Variants in ARNT2 observed in about 807,000 individuals in gnomAD.
The protein encoded by ARNT2 is aryl hydrocarbon receptor nuclear translocator 2.
Under a neutral mutation model 91.7 loss-of-function variants are expected in ARNT2, and 36 were observed. The ratio of observed to expected loss-of-function variants is 0.39; its 90% CI spans 0.30 to 0.52. The LOEUF is 0.52. Ranked by LOEUF, ARNT2 falls within the 20% of genes least tolerant of loss-of-function variation. ARNT2 has a pLI of 0.72. For missense variants in ARNT2, 775 were observed against 939.3 expected, an observed-to-expected ratio of 0.83 and a Z score of 2.29; for synonymous variants, 365 against 347.1, an observed-to-expected ratio of 1.05 and a Z score of -0.57.
At chr15:80,484,106 C>T (rs1012866106) in intron 5 of ARNT2, among the ~76,000 whole-genome samples, 1 of 151,276 alleles carries the variant, frequency 6.6e-6, no homozygotes, top group Non-Finnish European at 1.5e-5. Context: ...AGTCTTTGGA[C>T]TAATGCCAGA....
At chr15:80,486,420 A>C (rs971264261) in intron 5 of ARNT2, among the ~76,000 whole-genome samples, 11 of 152,186 alleles carry the variant, frequency 7.2e-5, no homozygotes, top group Admixed American at 7.2e-4. Context: ...TGAAACCAAC[A>C]AGGGGAGTTG....
intron 17 of ARNT2, among the ~76,000 whole-genome samples, chr15:80,583,855 T>A (rs1167552351): frequency 2.0e-5 from 3 of 152,226 alleles, no homozygotes; most frequent in Non-Finnish European, 4.4e-5. Flanking sequence ...ACCTCAGAAT[T>A]AAGCAGGAAT....
chr15:80,442,677 C>A (rs1192696606), intron 1 of ARNT2, among the ~76,000 whole-genome samples: 2 of 152,196 alleles, frequency 1.3e-5, no homozygotes, highest in Admixed American at 6.5e-5. Context: ...GAATGTGTGG[C>A]CCCCTGATTC....
chr15:80,504,848 T>TGA (rs1301117624), intron 5 of ARNT2, among the ~76,000 whole-genome samples: 1 of 150,170 alleles, frequency 6.7e-6, no homozygotes. Flanking sequence ...GGGCCAGGGA[T>TGA]GAGAGAGTGG....
chr15:80,453,697 C>T (rs796630608), intron 2 of ARNT2, among the ~76,000 whole-genome samples: 6 of 152,288 alleles, frequency 3.9e-5, no homozygotes, highest in African/African-American at 1.4e-4. Context: ...CACGCATTTC[C>T]CACTGCCCTC....
Position 80,574,202 on chromosome 15 carries a change from A to G in ARNT2, c.1371A>G (p.Ser457=). 1.2e-6 allele frequency: 2 copies of G among 1,614,218 alleles called. No homozygotes were observed. Among genetic ancestry groups the G allele is most frequent in the Non-Finnish European group, 1.7e-6 (2 of 1,180,028 alleles). Residue 457 remains serine (S), a synonymous_variant, in exon 13 of 19, where the codon TCA becomes TCG. Coordinates refer to ENST00000303329, the MANE Select transcript of ARNT2 (RefSeq NM_014862.4). ...ELEVHQRDGL[S]SYDLSQVPVP... Reference sequence around the variant, plus strand: ...AAGTGCACCAGAGAGATGGATTGTCATCGTATGACTTATCCCAGGTGAGTT... The same window carrying G: ...AAGTGCACCAGAGAGATGGATTGTCGTCGTATGACTTATCCCAGGTGAGTT...
intron 8 of ARNT2, among the ~76,000 whole-genome samples, chr15:80,548,023 G>A (rs1431822860): frequency 9.9e-5 from 15 of 152,024 alleles, no homozygotes; most frequent in Admixed American, 9.8e-4. Context: ...ATTACAATTA[G>A]CCTTTAAGAA....
chr15:80,587,399 G>A, intron 17 of ARNT2, among the ~76,000 whole-genome samples: 1 of 151,866 alleles, frequency 6.6e-6, no homozygotes, highest in Non-Finnish European at 1.5e-5. Flanking sequence ...TGTCCCCCTT[G>A]GTTTGGTGGG....
chr15:80,479,643 C>T (rs985646038), intron 5 of ARNT2, among the ~76,000 whole-genome samples: 2 of 152,190 alleles, frequency 1.3e-5, no homozygotes, highest in East Asian at 1.9e-4. Context: ...TTCAAGGCCT[C>T]ATCCACCAAT....
At chr15:80,570,636 G>A (rs558613395) in intron 12 of ARNT2, among the ~76,000 whole-genome samples, 54 of 152,252 alleles carry the variant, frequency 3.5e-4, no homozygotes, top group Non-Finnish European at 3.4e-4. Flanking sequence ...ACATGCTTTT[G>A]GTTTTATCCT....
intron 1 of ARNT2, among the ~76,000 whole-genome samples, chr15:80,408,478 C>T (rs1012303331): frequency 5.9e-5 from 9 of 152,130 alleles, no homozygotes; most frequent in African/African-American, 9.7e-5. Context: ...GGTCATTTTG[C>T]GCTGATGGCT....
chr15:80,449,147 T>C (rs1323348570), intron 1 of ARNT2, among the ~76,000 whole-genome samples: 1 of 152,198 alleles, frequency 6.6e-6, no homozygotes, highest in Non-Finnish European at 1.5e-5. Flanking sequence ...AGGTAGGACT[T>C]GTCAATATGT....
chr15:80,504,186 G>A (rs543961855), intron 5 of ARNT2, among the ~76,000 whole-genome samples: 4 of 152,292 alleles, frequency 2.6e-5, no homozygotes, highest in South Asian at 2.1e-4. Flanking sequence ...CTTATGAAAC[G>A]CTGTCTGCTG....
chr15:80,512,307 C>T (rs1014612848), intron 6 of ARNT2, among the ~76,000 whole-genome samples: 1 of 152,216 alleles, frequency 6.6e-6, no homozygotes, highest in African/African-American at 2.4e-5. Flanking sequence ...AATGGCCCTT[C>T]AGGGATTTGA....
chr15:80,547,590 A>C (rs1439298032), intron 8 of ARNT2, among the ~76,000 whole-genome samples: 2 of 152,228 alleles, frequency 1.3e-5, no homozygotes, highest in African/African-American at 4.8e-5. Context: ...TGGTTATTAT[A>C]ACTTATGTAT....
intron 8 of ARNT2, among the ~76,000 whole-genome samples, chr15:80,521,203 A>C (rs568347827): frequency 5.7e-4 from 87 of 152,294 alleles, no homozygotes; most frequent in African/African-American, 2.1e-3. Context: ...AACAGATTTT[A>C]TATTTTATTT....
At position 80,475,967 on chromosome 15, in the gene ARNT2, A is replaced by G. The variant is rs563205302; in HGVS notation, c.622+744A>G. On this transcript the variant is annotated intron_variant, in intron 5 of 18. Coordinates refer to ENST00000303329, the MANE Select transcript of ARNT2 (RefSeq NM_014862.4). ...GCAGTATACACAATCATGCAATTCAAAACTATAGGGCTTATCGAGAAAAAG... is the reference window on the plus strand; with the variant it reads ...GCAGTATACACAATCATGCAATTCAGAACTATAGGGCTTATCGAGAAAAAG... Among the ~76,000 whole-genome samples, 150 of 152,338 alleles carry G rather than the reference A, an allele frequency of 9.8e-4. 1 individual carries two copies. The highest frequency in any genetic ancestry group is 3.5e-3 in the African/African-American group (146 of 41,566).
In ARNT2 at chr15:80,461,326, G is replaced by A. The variant is rs560963829; in HGVS notation, c.194+3350G>A. Among the ~76,000 whole-genome samples, 6 of 152,334 alleles carry A rather than the reference G, an allele frequency of 3.9e-5. No individual in the cohort carries two copies. The South Asian group carries it at 8.3e-4, about 21-fold the overall frequency. On this transcript the variant is annotated intron_variant, in intron 3 of 18. Coordinates refer to ENST00000303329, the MANE Select transcript of ARNT2 (RefSeq NM_014862.4). ...GTGCCATGGAAGGACAGGAGTCGAGGTGGTTAAGGTCTCAATGAGAGGGTG... is the reference window on the plus strand; with the variant it reads ...GTGCCATGGAAGGACAGGAGTCGAGATGGTTAAGGTCTCAATGAGAGGGTG...
At chr15:80,440,141 C>T (rs980455148) in intron 1 of ARNT2, among the ~76,000 whole-genome samples, 1 of 152,220 alleles carries the variant, frequency 6.6e-6, no homozygotes, top group Non-Finnish European at 1.5e-5. Flanking sequence ...CCAATCCTTC[C>T]AACCTAGATG....
Sources: gnomAD v4.1 joint callset for allele counts (sites outside exome capture counted in the v4.1 genomes callset) on GRCh38, gnomAD v4.1.1 for gene constraint, MANE v1.5 for transcripts, NCBI Gene and HGNC (gene_info 2026-07-23, HGNC 2026-07-21) for gene names.